Variants in OSBPL10 observed in about 807,000 individuals in gnomAD.
OSBPL10 encodes the protein oxysterol binding protein like 10, also known as oxysterol-binding protein-related protein 10.
In OSBPL10, 49 loss-of-function variants were observed where a neutral mutation model predicts 81.7. That is an observed-to-expected ratio of 0.60 (90% CI 0.48 to 0.76). The LOEUF (loss-of-function observed/expected upper bound fraction) is 0.76. Among genes scored for constraint, OSBPL10 ranks in the 30% least tolerant of loss-of-function variants. The pLI, the probability that OSBPL10 is intolerant of heterozygous loss-of-function variation, is 0.00. For synonymous variants in OSBPL10, 419 were observed against 383.6 expected, an observed-to-expected ratio of 1.09 and a Z score of -1.08; for missense variants, 923 against 987.8, an observed-to-expected ratio of 0.93 and a Z score of 0.88.
At chr3:31,733,200 A>G in intron 6 of OSBPL10, 57 bp downstream of exon 6, 1 of 1,575,852 alleles carries the variant, frequency 6.3e-7, no homozygotes, top group Non-Finnish European at 8.6e-7. Context: ...TAATTACTAT[A>G]TTTCTGAACA....
chr3:32,038,853 T>C (rs1699543978), intron 2 of OSBPL10, among the ~76,000 whole-genome samples: 2 of 152,116 alleles, frequency 1.3e-5, no homozygotes, highest in African/African-American at 4.8e-5. Context: ...AATAAAGCAG[T>C]TCCGAAAAGC....
chr3:31,744,803 A>C (rs1223713561), intron 5 of OSBPL10, among the ~76,000 whole-genome samples: 1 of 151,804 alleles, frequency 6.6e-6, no homozygotes, highest in African/African-American at 2.4e-5. Flanking sequence ...AAAAACAACG[A>C]ATTTTCTAGG....
chr3:31,945,761 C>T (rs1697682584), intron 1 of OSBPL10, among the ~76,000 whole-genome samples: 1 of 152,162 alleles, frequency 6.6e-6, no homozygotes, highest in Non-Finnish European at 1.5e-5. Context: ...TTCTGACACC[C>T]TTGTTTCTGT....
intron 3 of OSBPL10, among the ~76,000 whole-genome samples, chr3:31,859,248 A>G (rs1316751179): frequency 6.6e-6 from 1 of 151,954 alleles, no homozygotes; most frequent in Non-Finnish European, 1.5e-5. Context: ...AATTTTGTCT[A>G]TGTCAAAAAA....
At chr3:32,074,324 G>A (rs964561000) in intron 1 of OSBPL10, among the ~76,000 whole-genome samples, 3 of 151,932 alleles carry the variant, frequency 2.0e-5, no homozygotes, top group South Asian at 4.2e-4. Flanking sequence ...TGCTAACCAC[G>A]CAAACAACTA....
chr3:31,996,954 A>G (rs1251870211), intron 2 of OSBPL10, among the ~76,000 whole-genome samples: 5 of 152,148 alleles, frequency 3.3e-5, no homozygotes, highest in Non-Finnish European at 7.4e-5. Flanking sequence ...CCCACTCACA[A>G]TGGGAGAGAA....
At chr3:31,965,666 ATTTTATAT>A (rs1698346166) in intron 1 of OSBPL10, among the ~76,000 whole-genome samples, 14 of 39,480 alleles carry the variant, frequency 3.5e-4, no homozygotes, top group South Asian at 1.8e-3. Context: ...TATATTATAT[ATTTTATAT>A]AATATATATT....
intron 2 of OSBPL10, among the ~76,000 whole-genome samples, chr3:31,995,620 C>T (rs999102739): frequency 2.0e-4 from 30 of 152,070 alleles, no homozygotes; most frequent in African/African-American, 6.5e-4. Flanking sequence ...CACAGTGGTC[C>T]TTAGGTGATG....
intron 1 of OSBPL10, among the ~76,000 whole-genome samples, chr3:31,953,639 C>CA (rs1221398863): frequency 2.0e-5 from 3 of 152,188 alleles, no homozygotes; most frequent in Admixed American, 2.0e-4. Context: ...CTCCTGGGCT[C>CA]AAGCAATCTG....
At chr3:32,066,388 T>TAA (rs1699780619) in intron 1 of OSBPL10, 1 of 33,284 alleles carries the variant, frequency 3.0e-5, no homozygotes, top group African/African-American at 4.8e-5. Flanking sequence ...AAATCTCCAC[T>TAA]TGTCCTTGTT....
intron 2 of OSBPL10, among the ~76,000 whole-genome samples, chr3:32,041,649 T>C (rs4992837): frequency 4.6e-4 from 15 of 32,624 alleles, no homozygotes; most frequent in South Asian, 3.4e-3. Flanking sequence ...CTTTCTTTCT[T>C]TTTCTTTCTT....
intron 3 of OSBPL10, among the ~76,000 whole-genome samples, chr3:31,840,394 A>G (rs1020106186): frequency 4.6e-5 from 7 of 152,242 alleles, no homozygotes; most frequent in Non-Finnish European, 4.4e-5. Flanking sequence ...CAAAAATGCC[A>G]AGCTCAAAAG....
chr3:32,009,575 T>C (rs1049233424), intron 2 of OSBPL10, among the ~76,000 whole-genome samples: 2 of 152,300 alleles, frequency 1.3e-5, no homozygotes, highest in East Asian at 1.9e-4. Flanking sequence ...AATGAATTCA[T>C]TGGTGAAATT....
rs541613361 is a variant in OSBPL10 at position 31,865,147 on chromosome 3, G to A, written c.537+11286C>T. Reference sequence around the variant, plus strand: ...GTAGATTAAAAGAACTGTTCATTGTGCAAGAGACAAAACTAGATATTGGTA... The same window carrying A: ...GTAGATTAAAAGAACTGTTCATTGTACAAGAGACAAAACTAGATATTGGTA... On this transcript the variant is annotated intron_variant, in intron 3 of 11. Coordinates refer to ENST00000396556, the MANE Select transcript of OSBPL10 (RefSeq NM_017784.5). Among the ~76,000 whole-genome samples, 10 of 152,302 alleles carry A rather than the reference G, an allele frequency of 6.6e-5. 1 individual carries two copies. In the East Asian group the frequency reaches 1.5e-3, roughly 24 times the overall value.
chr3:31,725,919 G>T (rs1018461189), intron 6 of OSBPL10, among the ~76,000 whole-genome samples: 7 of 152,194 alleles, frequency 4.6e-5, no homozygotes, highest in African/African-American at 1.4e-4. Flanking sequence ...TTCCAGAGAA[G>T]AATCACACAT....
At chr3:31,939,637 T>G (rs564713036) in intron 1 of OSBPL10, among the ~76,000 whole-genome samples, 1 of 151,868 alleles carries the variant, frequency 6.6e-6, no homozygotes, top group Non-Finnish European at 1.5e-5. Flanking sequence ...AGCATGGCCA[T>G]AGTGACCAAA....
intron 1 of OSBPL10, among the ~76,000 whole-genome samples, chr3:31,944,426 A>G (rs1302021509): frequency 6.6e-6 from 1 of 152,238 alleles, no homozygotes; most frequent in Non-Finnish European, 1.5e-5. Flanking sequence ...AGATGAACTA[A>G]GGTTCAAGAC....
rs1317666175 is a variant in OSBPL10, at chr3:31,812,819, AG to A, written c.729+17220del. Reference sequence around the variant, plus strand: ...GAAAGAAAGAAAGAAAGAAAGAAAGAGAAAGAAAGAAAGAAAGAAAGAAAGA... The same window carrying A: ...GAAAGAAAGAAAGAAAGAAAGAAAGAAAAGAAAGAAAGAAAGAAAGAAAGA... On this transcript the variant is annotated intron_variant, in intron 4 of 11. Transcript: ENST00000396556. Among the ~76,000 whole-genome samples, 59 of 24,624 alleles carry A rather than the reference AG, an allele frequency of 2.4e-3. 7 individuals carry two copies. The East Asian group carries it at 0.041, about 17-fold the overall frequency. The allele number at this position is 24,624 out of a possible 152,430, so 16.2% of individuals were successfully genotyped here. A position where few individuals can be genotyped will look rare whatever the true frequency, so the allele number is the denominator to read the frequency against.
At chr3:31,695,433 T>C (rs72857967) in intron 7 of OSBPL10, among the ~76,000 whole-genome samples, 2,734 of 152,166 alleles carry the variant, frequency 0.018, 88 homozygotes, top group African/African-American at 0.062. Flanking sequence ...CTTTGACCCA[T>C]TGACCTTTTA....
Sources: allele counts gnomAD v4.1 joint callset (sites outside exome capture counted in the v4.1 genomes callset), GRCh38; gene constraint gnomAD v4.1.1; transcripts MANE v1.5; gene names NCBI Gene and HGNC (gene_info 2026-07-23, HGNC 2026-07-21).